Variants in EDRF1 observed in about 807,000 individuals in gnomAD.
EDRF1 encodes the protein erythroid differentiation-related factor 1.
In EDRF1, 69 loss-of-function variants were observed where a neutral mutation model predicts 148.7. The ratio of observed to expected loss-of-function variants is 0.46; its 90% CI spans 0.38 to 0.57. EDRF1 has a LOEUF of 0.57. Ranked by LOEUF, EDRF1 falls within the 20% of genes least tolerant of loss-of-function variation. The pLI is 0.00. For missense variants in EDRF1, 1,118 were observed against 1,478.7 expected, an observed-to-expected ratio of 0.76 and a Z score of 4.00; for synonymous variants, 515 against 532.8, an observed-to-expected ratio of 0.97 and a Z score of 0.46.
chr10:125,748,200 C>T, intron 21 of EDRF1, 188 bp downstream of exon 21: 1 of 697,522 alleles, frequency 1.4e-6, no homozygotes, highest in Non-Finnish European at 2.5e-6. Context: ...CCGCATTGTG[C>T]TCCATGTTGA....
intron 17 of EDRF1, chr10:125,742,438 A>C: frequency 9.1e-7 from 1 of 1,099,684 alleles, no homozygotes; most frequent in South Asian, 2.2e-5. Context: ...AGTTTTAGAC[A>C]ATTCATAGCT....
In EDRF1 at chr10:125,741,721, T is replaced by G. The variant is rs1849029602; in HGVS notation, c.2371+520T>G. 2.3e-5 allele frequency: 4 copies of G among 175,030 alleles called. No homozygotes were observed. In the South Asian group the frequency reaches 5.0e-4, roughly 22 times the overall value. 10.8% of individuals were successfully genotyped at this position (175,030 alleles called of 1,614,324 possible). A position where few individuals can be genotyped will look rare whatever the true frequency, so the allele number is the denominator to read the frequency against. ...ATTTATTTATTTTTTTGAGACACAG[T>G]CTCGCTCTGCCACACAGGCTGGAGT... On this transcript the variant is annotated intron_variant, in intron 17 of 24. Transcript: ENST00000356792.
In EDRF1 at chr10:125,721,432, A is replaced by AT; in HGVS notation, c.317+25dup. ...TTCAAGGTAAATATTAATCAGTGGC[A>AT]TTTTTACCTGCCCCTCCACCCTCAC... is the stretch of plus-strand genomic sequence containing the variant. On this transcript the variant is annotated intron_variant, in intron 2 of 24. Coordinates refer to ENST00000356792, the MANE Select transcript of EDRF1 (RefSeq NM_001202438.2). 1 of 1,607,662 alleles carries AT rather than the reference A, an allele frequency of 6.2e-7. No individual in the cohort carries two copies. Among genetic ancestry groups the AT allele is most frequent in the Admixed American group, 1.7e-5 (1 of 59,938 alleles).
At chr10:125,748,661 T>C (rs772236386) in intron 21 of EDRF1, 1 of 156,678 alleles carries the variant, frequency 6.4e-6, no homozygotes, top group African/African-American at 2.4e-5. Flanking sequence ...GTTGCCTTTA[T>C]TCTGAAAAGT....
intron 2 of EDRF1, among the ~76,000 whole-genome samples, chr10:125,721,901 A>G (rs909418038): frequency 2.6e-5 from 4 of 152,204 alleles, no homozygotes; most frequent in African/African-American, 9.6e-5. Context: ...CAAAGTTGAG[A>G]GAGTAGCCTG....
At chr10:125,735,990 A>C (rs1848710202) in intron 13 of EDRF1, 86 bp downstream of exon 13, 1 of 1,216,326 alleles carries the variant, frequency 8.2e-7, no homozygotes, top group African/African-American at 1.5e-5. Context: ...AGATACCATT[A>C]CTTCAATAAA....
intron 13 of EDRF1, 133 bp downstream of exon 13, chr10:125,736,037 C>T: frequency 1.1e-6 from 1 of 944,450 alleles, no homozygotes; most frequent in Non-Finnish European, 1.6e-6. Context: ...CATTAGTTTT[C>T]TGAATTCTTA....
intron 24 of EDRF1, among the ~76,000 whole-genome samples, chr10:125,758,067 T>G (rs1233623642): frequency 1.3e-5 from 2 of 152,240 alleles, no homozygotes; most frequent in African/African-American, 4.8e-5. Flanking sequence ...TTTGGGTAAT[T>G]TCTGTTGAAC....
intron 17 of EDRF1, chr10:125,742,639 T>C: frequency 1.0e-6 from 1 of 985,376 alleles, no homozygotes; most frequent in Non-Finnish European, 1.2e-6. Context: ...CTAGATGGCA[T>C]TTTTAATCTT....
chr10:125,729,220 T>G (rs1349429019), intron 7 of EDRF1, 116 bp downstream of exon 7: 11 of 1,449,042 alleles, frequency 7.6e-6, no homozygotes. Flanking sequence ...GAAACTGCTT[T>G]CTAAGCATCT....
At chr10:125,745,672 G>A in intron 18 of EDRF1, 35 bp from the exon 19 acceptor site, 1 of 1,604,418 alleles carries the variant, frequency 6.2e-7, no homozygotes, top group Non-Finnish European at 8.5e-7. Context: ...ACTGATGTCT[G>A]CTTACACAGT....
intron 24 of EDRF1, chr10:125,757,050 C>A (rs1261664738): frequency 2.3e-6 from 1 of 435,928 alleles, no homozygotes; most frequent in South Asian, 1.7e-5. Flanking sequence ...CTGGGTCAAG[C>A]AGTCCACCTT....
In EDRF1 at chr10:125,738,349, G is replaced by C; in HGVS notation, c.1885G>C (p.Asp629His). Residue 629 changes from aspartate (D) to histidine (H), a missense_variant, in exon 15 of 25, where the codon GAC (aspartate) becomes CAC (histidine). By Grantham distance (81) the Asp-to-His change is moderately conservative. Coordinates refer to ENST00000356792, the MANE Select transcript of EDRF1 (RefSeq NM_001202438.2). ...AAAAGAAAGCGACCTTCCAGCAGCT[G>C]ACCCCAGCACTCCAATCCCGTTAAA... ...IKKESDLPAA[D>H]PSTPIPLKYE... is the part of the protein sequence containing the mutation. 6.2e-7 allele frequency: 1 copy of C among 1,614,100 alleles called. No individual in the cohort carries two copies. Among genetic ancestry groups the C allele is most frequent in the Non-Finnish European group, 8.5e-7 (1 of 1,180,004 alleles).
At chr10:125,749,827 C>A in intron 22 of EDRF1, 1 of 457,962 alleles carries the variant, frequency 2.2e-6, no homozygotes, top group Non-Finnish European at 4.0e-6. Context: ...AAAAAATTGA[C>A]AAATAAATTT....
Position 125,764,138 on chromosome 10 carries a change from A to C in EDRF1, c.*666A>C, listed in dbSNP as rs1190529326. 6.5e-6 allele frequency: 1 copy of C among 152,674 alleles called. No individual in the cohort carries two copies. Among genetic ancestry groups the C allele is most frequent in the Admixed American group, 6.5e-5 (1 of 15,288 alleles). 9.5% of individuals were successfully genotyped at this position (152,674 alleles called of 1,614,324 possible). On this transcript the variant is annotated 3_prime_UTR_variant, in exon 25 of 25. Transcript: ENST00000356792. ...TTGAATAAATAAACTATTTATTTAA[A>C]ATGTCTTTGTATTTTTCCAATTTCC...
intron 1 of EDRF1, 80 bp from the exon 2 acceptor site, chr10:125,721,124 G>A (rs1564728241): frequency 1.3e-5 from 18 of 1,388,032 alleles, no homozygotes; most frequent in Non-Finnish European, 1.8e-5. Flanking sequence ...GGTGTGACAG[G>A]TTCTTGTTTT....
intron 24 of EDRF1, among the ~76,000 whole-genome samples, chr10:125,760,570 TATTA>T (rs1412055540): frequency 4.6e-5 from 7 of 152,200 alleles, no homozygotes; most frequent in Non-Finnish European, 1.0e-4. Context: ...AAAACAAAAA[TATTA>T]ATTACTAAGT....
chr10:125,728,429 G>A (rs1441393751), intron 6 of EDRF1, among the ~76,000 whole-genome samples: 2 of 152,118 alleles, frequency 1.3e-5, no homozygotes, highest in African/African-American at 4.8e-5. Context: ...AGTTTCCCAG[G>A]AACTAGTGTT....
chr10:125,740,449 T>C lies in EDRF1; in HGVS notation c.1982-14T>C. 2.5e-6 allele frequency: 4 copies of C among 1,613,354 alleles called. No individual in the cohort carries two copies. The highest frequency in any genetic ancestry group is 3.4e-6 in the Non-Finnish European group (4 of 1,179,536). On this transcript the variant is annotated splice_polypyrimidine_tract_variant and intron_variant, in intron 15 of 24. Transcript: ENST00000356792. ...ATGAAATGTGCTGTCTTTTTTTTTCTCTCCATGTCACAGTGGGCTCCCTTC... is the reference window on the plus strand; with the variant it reads ...ATGAAATGTGCTGTCTTTTTTTTTCCCTCCATGTCACAGTGGGCTCCCTTC...
Sources: gnomAD v4.1 joint callset for allele counts (sites outside exome capture counted in the v4.1 genomes callset) on GRCh38, gnomAD v4.1.1 for gene constraint, MANE v1.5 for transcripts, NCBI Gene and HGNC (gene_info 2026-07-23, HGNC 2026-07-21) for gene names.